The following PIAS4 variants were observed in gnomAD, a reference collection of about 807,000 sequenced individuals.
The protein encoded by PIAS4 is E3 SUMO-protein ligase PIAS4.
PIAS4 carries 7 observed loss-of-function variants against 58.0 expected under a neutral mutation model. The ratio of observed to expected loss-of-function variants is 0.12; its 90% confidence interval spans 0.07 to 0.23. The LOEUF is 0.23. Ranked by LOEUF, PIAS4 falls within the 10% of genes least tolerant of loss-of-function variation. PIAS4 has a pLI of 1.00. For missense variants in PIAS4, 550 were observed against 709.5 expected, an observed-to-expected ratio of 0.78 and a Z score of 2.55; for synonymous variants, 364 against 312.4, an observed-to-expected ratio of 1.17 and a Z score of -1.74.
At chr19:4,028,099 T>G in intron 3 of PIAS4, 47 bp from the exon 4 acceptor site, 1 of 1,596,352 alleles carries the variant, frequency 6.3e-7, no homozygotes, top group South Asian at 1.1e-5. Context: ...CACGCCCTCC[T>G]CACTCAGCTC....
intron 7 of PIAS4, among the ~76,000 whole-genome samples, chr19:4,029,571 GAGTC>G (rs1253153866): frequency 6.6e-6 from 1 of 151,398 alleles, no homozygotes; most frequent in Non-Finnish European, 1.5e-5. Context: ...TTTTTTTAGA[GAGTC>G]AGGGTCTCTG....
chr19:4,007,844 G>A lies in PIAS4; in HGVS notation c.27+57G>A, dbSNP rs1336385855. 4 of 1,183,420 alleles carry A rather than the reference G, an allele frequency of 3.4e-6. No homozygotes were observed. The East Asian group carries it at 1.1e-4, about 31-fold the overall frequency. 73.3% of individuals were successfully genotyped at this position (1,183,420 alleles called of 1,614,324 possible). On this transcript the variant is annotated intron_variant, in intron 1 of 10. Coordinates refer to ENST00000262971, the MANE Select transcript of PIAS4 (RefSeq NM_015897.4). ...AAGTGGGCGAGAGGGCGGGGGCCGGGCCGCAGGTCGAGGTCTGCGCCTTCT... is the reference window on the plus strand; with the variant it reads ...AAGTGGGCGAGAGGGCGGGGGCCGGACCGCAGGTCGAGGTCTGCGCCTTCT...
At chr19:4,007,861 G>T (rs2039957914) in intron 1 of PIAS4, 74 bp downstream of exon 1, 2 of 1,127,442 alleles carry the variant, frequency 1.8e-6, no homozygotes, top group Admixed American at 9.0e-5. Context: ...GTCGAGGTCT[G>T]CGCCTTCTGT....
chr19:4,033,921 G>A (rs1599232595), intron 9 of PIAS4, among the ~76,000 whole-genome samples: 1 of 152,252 alleles, frequency 6.6e-6, no homozygotes, highest in Non-Finnish European at 1.5e-5. Flanking sequence ...TTCACACGGC[G>A]TTCACCCCAG....
intron 7 of PIAS4, among the ~76,000 whole-genome samples, chr19:4,029,286 G>A (rs1405189527): frequency 6.6e-6 from 1 of 152,158 alleles, no homozygotes; most frequent in Non-Finnish European, 1.5e-5. Flanking sequence ...GCTGGCCCCA[G>A]GTGCTCCAGC....
intron 7 of PIAS4, among the ~76,000 whole-genome samples, chr19:4,030,581 T>C (rs1470952624): frequency 1.3e-5 from 2 of 150,074 alleles, no homozygotes; most frequent in Non-Finnish European, 3.0e-5. Context: ...ATCGTGCCAC[T>C]GCACTCCAGC....
intron 5 of PIAS4, 56 bp downstream of exon 5, chr19:4,028,656 G>T: frequency 1.9e-6 from 3 of 1,605,290 alleles, no homozygotes; most frequent in Non-Finnish European, 2.6e-6. Flanking sequence ...GTGGAGGGAG[G>T]GTGGGGGCCG....
chr19:4,029,941 G>A (rs904615003), intron 7 of PIAS4, among the ~76,000 whole-genome samples: 1 of 147,144 alleles, frequency 6.8e-6, no homozygotes, highest in African/African-American at 2.5e-5. Context: ...TTCTGCCTCA[G>A]CCTCCTGAGT....
At chr19:4,010,500 T>C (rs937899511) in intron 1 of PIAS4, among the ~76,000 whole-genome samples, 1 of 152,200 alleles carries the variant, frequency 6.6e-6, no homozygotes. Flanking sequence ...CTGCACAAGG[T>C]AGGAAGTCAG....
chr19:4,015,754 CCCT>C (rs2040046252), intron 2 of PIAS4, among the ~76,000 whole-genome samples: 1 of 152,224 alleles, frequency 6.6e-6, no homozygotes, highest in Non-Finnish European at 1.5e-5. Flanking sequence ...CTCCCTCACT[CCCT>C]CCTCTGGCTG....
chr19:4,013,954 G>A lies in PIAS4; in HGVS notation c.454+605G>A, dbSNP rs1320899236. On this transcript the variant is annotated intron_variant, in intron 2 of 10. Coordinates refer to ENST00000262971, the MANE Select transcript of PIAS4 (RefSeq NM_015897.4). The surrounding 1 kb of genome is among the most constrained non-coding windows in gnomAD (Gnocchi z 5.1). ...CACACAGACTCTGTGGCGCATGCAG[G>A]GACCACACCAGGCTGTGACTGCCAG... Among the ~76,000 whole-genome samples, 1 of 152,272 alleles carries A rather than the reference G, an allele frequency of 6.6e-6. No individual in the cohort carries two copies. The highest frequency in any genetic ancestry group is 2.4e-5 in the African/African-American group (1 of 41,562).
Position 4,037,402 on chromosome 19 carries a change from G to A in PIAS4, c.1171G>A (p.Glu391Lys). 1.2e-6 allele frequency: 2 copies of A among 1,610,570 alleles called. No individual in the cohort carries two copies. Among genetic ancestry groups the A allele is most frequent in the East Asian group, 2.2e-5 (1 of 44,816 alleles). The change falls in exon 10 of 11, where the codon GAG (glutamate) becomes AAG (lysine). Residue 391 changes from glutamate to lysine, a missense_variant. Glu to Lys is a moderately conservative substitution (Grantham distance 56). Coordinates refer to ENST00000262971, the MANE Select transcript of PIAS4 (RefSeq NM_015897.4). This position sits in a 1 kb window ranked among gnomAD's most constrained non-coding sequence, Gnocchi z 5.8. ...GLLSKILSECEDADEIEYLVD... is the reference protein window; with the variant it reads ...GLLSKILSECKDADEIEYLVD... ...CCTCTCGAAGATCCTGAGCGAGTGT[G>A]AGGACGCCGACGAGATCGAGTACCT... is the stretch of plus-strand genomic sequence containing the variant.
intron 2 of PIAS4, among the ~76,000 whole-genome samples, chr19:4,016,894 G>A (rs1209939697): frequency 6.6e-6 from 1 of 152,138 alleles, no homozygotes; most frequent in East Asian, 1.9e-4. Flanking sequence ...TGGGCCCGGG[G>A]AAGGCTGGGG....
intron 2 of PIAS4, among the ~76,000 whole-genome samples, chr19:4,018,108 G>A (rs992783011): frequency 6.6e-6 from 1 of 152,214 alleles, no homozygotes; most frequent in Non-Finnish European, 1.5e-5. Context: ...CACCAGGCCC[G>A]GCCCCAGTCA....
intron 3 of PIAS4, 68 bp downstream of exon 3, chr19:4,024,188 G>T: frequency 1.7e-6 from 2 of 1,211,210 alleles, no homozygotes; most frequent in South Asian, 1.2e-5. Flanking sequence ...GGCTCACTGG[G>T]GAGAGCCGGC....
intron 2 of PIAS4, among the ~76,000 whole-genome samples, chr19:4,023,579 C>T (rs1475091557): frequency 6.6e-6 from 1 of 152,240 alleles, no homozygotes; most frequent in African/African-American, 2.4e-5. Flanking sequence ...CCATGGCCTT[C>T]ATCCCGTCAG....
chr19:4,013,306 G>T lies in PIAS4; in HGVS notation c.411G>T (p.Pro137=). 3 of 1,613,266 alleles carry T rather than the reference G, an allele frequency of 1.9e-6. No individual in the cohort carries two copies. Among genetic ancestry groups the T allele is most frequent in the South Asian group, 1.1e-5 (1 of 91,080 alleles). Residue 137 remains proline, a synonymous_variant, in exon 2 of 11, where the codon CCG becomes CCT. Transcript: ENST00000262971. This position sits in a 1 kb window ranked among gnomAD's most constrained non-coding sequence, Gnocchi z 5.1. The stretch of plus-strand genomic sequence containing the variant: ...CAGAAGTCCGCCTGGTGAAGCTGCC[G>T]TTCTTTAATATGCTGGATGAGCTGC... The part of the protein sequence containing the change: ...LKPEVRLVKL[P]FFNMLDELLK...
chr19:4,014,815 A>C (rs2040034884), intron 2 of PIAS4, among the ~76,000 whole-genome samples: 1 of 152,134 alleles, frequency 6.6e-6, no homozygotes, highest in South Asian at 2.1e-4. Flanking sequence ...GGCAGCGTTG[A>C]TGGGGGTAGG....
chr19:4,027,113 A>C (rs925639342), intron 3 of PIAS4, among the ~76,000 whole-genome samples: 5 of 151,934 alleles, frequency 3.3e-5, no homozygotes, highest in Non-Finnish European at 7.4e-5. Flanking sequence ...CGGCCTCCCA[A>C]AGTGCTGGGA....
Sources: gnomAD v4.1 joint callset for allele counts (sites outside exome capture counted in the v4.1 genomes callset) on GRCh38, gnomAD v4.1.1 for gene constraint, Gnocchi (gnomAD v3.1) non-coding constraint, MANE v1.5 for transcripts, NCBI Gene and HGNC (gene_info 2026-07-23, HGNC 2026-07-21) for gene names.